The following KLF17 variants were observed in gnomAD, a reference collection of about 807,000 sequenced individuals.
KLF17 encodes KLF transcription factor 17.
KLF17 carries 31 observed loss-of-function variants against 34.2 expected under a neutral mutation model. That is an observed-to-expected ratio of 0.91 (90% CI 0.68 to 1.22). The LOEUF (loss-of-function observed/expected upper bound fraction) is 1.22, where lower values mean the gene tolerates loss of function less well. Ranked by LOEUF, KLF17 falls within the 50% of genes most tolerant of loss-of-function variation. The probability of loss-of-function intolerance (pLI) is 0.00; values close to 1 mark genes in which losing one functional copy is unlikely to be tolerated. For synonymous variants in KLF17, 179 were observed against 186.7 expected, an observed-to-expected ratio of 0.96 and a Z score of 0.34; for missense variants, 478 against 505.2, an observed-to-expected ratio of 0.95 and a Z score of 0.52.
At chr1:44,122,014 A>ATTTCCT (rs905380835) in intron 1 of KLF17, 5 of 659,316 alleles carry the variant, frequency 7.6e-6, no homozygotes, top group African/African-American at 7.3e-5. Flanking sequence ...GGCAAAATAA[A>ATTTCCT]TTTCCTTTTC....
At chr1:44,092,399 G>A in the KLF17 span, among the ~76,000 whole-genome samples, 121 of 152,194 alleles carry the variant, frequency 8.0e-4, 1 homozygote, top group South Asian at 0.015. Context: ...ATTCAACTAA[G>A]AATCTTGGAG....
chr1:44,072,631 C>T, the KLF17 span, among the ~76,000 whole-genome samples: 1 of 152,126 alleles, frequency 6.6e-6, no homozygotes, highest in African/African-American at 2.4e-5. Context: ...GAGTTCCAGG[C>T]TGCAGAGAGC....
intron 1 of KLF17, among the ~76,000 whole-genome samples, chr1:44,123,989 A>T (rs753495556): frequency 1.3e-5 from 2 of 151,400 alleles, no homozygotes; most frequent in Non-Finnish European, 2.9e-5. Flanking sequence ...TTAATTTGTG[A>T]TCTACTATAT....
the KLF17 span, chr1:44,052,162 C>T: frequency 6.6e-6 from 1 of 152,218 alleles, no homozygotes; most frequent in Admixed American, 6.5e-5. Context: ...CTGTCATCTT[C>T]ACTCTTGGAG....
intron 3 of KLF17, among the ~76,000 whole-genome samples, chr1:44,131,795 A>G (rs2088112099): frequency 6.6e-6 from 1 of 152,140 alleles, no homozygotes; most frequent in African/African-American, 2.4e-5. Flanking sequence ...CCCGGGTTCA[A>G]ACGATTCTCC....
At chr1:44,127,675 T>TTTC (rs2088034770) in intron 1 of KLF17, among the ~76,000 whole-genome samples, 2 of 46,488 alleles carry the variant, frequency 4.3e-5, no homozygotes, top group Admixed American at 3.0e-4. Flanking sequence ...TCTTTCTTTC[T>TTTC]TTCTTTCTTT....
chr1:44,107,971 A>G, the KLF17 span, among the ~76,000 whole-genome samples: 1 of 152,234 alleles, frequency 6.6e-6, no homozygotes, highest in Non-Finnish European at 1.5e-5. Flanking sequence ...GGACTAGTGT[A>G]TATTGAATGA....
At chr1:44,088,875 C>T in the KLF17 span, among the ~76,000 whole-genome samples, 1 of 151,912 alleles carries the variant, frequency 6.6e-6, no homozygotes, top group East Asian at 1.9e-4. Context: ...AAATTGGGAG[C>T]AAAGAAGGGT....
At chr1:44,075,499 G>A in the KLF17 span, among the ~76,000 whole-genome samples, 1 of 152,202 alleles carries the variant, frequency 6.6e-6, no homozygotes, top group Non-Finnish European at 1.5e-5. Flanking sequence ...TATTTGACCA[G>A]GGTCAAATAC....
At chr1:44,092,590 C>G in the KLF17 span, among the ~76,000 whole-genome samples, 1 of 151,574 alleles carries the variant, frequency 6.6e-6, no homozygotes, top group Non-Finnish European at 1.5e-5. Context: ...AATGAATTGT[C>G]GTCTTCAGGC....
At chr1:44,080,533 A>C in the KLF17 span, among the ~76,000 whole-genome samples, 7 of 152,152 alleles carry the variant, frequency 4.6e-5, no homozygotes, top group Non-Finnish European at 1.0e-4. Flanking sequence ...CCACAGCACC[A>C]GGCTCTCTCT....
chr1:44,104,549 C>T, the KLF17 span: 1 of 680,648 alleles, frequency 1.5e-6, no homozygotes, highest in Middle Eastern at 4.2e-4. Flanking sequence ...CCTAAGGGGG[C>T]TCAGCAGACT....
the KLF17 span, among the ~76,000 whole-genome samples, chr1:44,089,931 G>C: frequency 2.6e-5 from 4 of 152,136 alleles, no homozygotes; most frequent in East Asian, 1.9e-4. Flanking sequence ...GGAGGCCAAG[G>C]GGGGCGGATC....
chr1:44,122,281 T>C, intron 1 of KLF17: 2 of 1,602,380 alleles, frequency 1.2e-6, no homozygotes, highest in Non-Finnish European at 1.7e-6. Flanking sequence ...ACAAGTAGTG[T>C]ATCCAGAGGT....
chr1:44,099,901 GAAAGAAAGAAAGAAAGAAA>G, the KLF17 span, among the ~76,000 whole-genome samples: 1 of 69,408 alleles, frequency 1.4e-5, no homozygotes, highest in Non-Finnish European at 3.1e-5. Flanking sequence ...AAGAAAGAAA[GAAAGAAAGAAAGAAAGAAA>G]AGAAAGGGAG....
chr1:44,110,924 A>T, the KLF17 span, among the ~76,000 whole-genome samples: 1 of 150,448 alleles, frequency 6.6e-6, no homozygotes, highest in Non-Finnish European at 1.5e-5. Flanking sequence ...GGAGTTTGAG[A>T]CCAGCCTGGG....
At chr1:44,048,039 T>TGTGTGC in the KLF17 span, 5 of 146,780 alleles carry the variant, frequency 3.4e-5, no homozygotes, top group African/African-American at 5.2e-5. Context: ...TGTGTGTGTG[T>TGTGTGC]GCACGTGCAC....
chr1:44,086,131 C>A, the KLF17 span, among the ~76,000 whole-genome samples: 1 of 152,100 alleles, frequency 6.6e-6, no homozygotes, highest in Non-Finnish European at 1.5e-5. Flanking sequence ...AAAGTGGAGA[C>A]GCTGAGTATA....
At chr1:44,117,775 G>A (rs758582066), upstream of KLF17, among the ~76,000 whole-genome samples, 27 of 152,272 alleles carry the variant, frequency 1.8e-4, no homozygotes, top group African/African-American at 3.9e-4. Context: ...CGTTGCAGGC[G>A]TGAACCACTG....
Sources: gnomAD v4.1 joint callset for allele counts (sites outside exome capture counted in the v4.1 genomes callset) on GRCh38, gnomAD v4.1.1 for gene constraint, MANE v1.5 for transcripts, NCBI Gene and HGNC (gene_info 2026-07-23, HGNC 2026-07-21) for gene names.